Variants in ALK observed in about 807,000 individuals in gnomAD.
ALK encodes ALK tyrosine kinase receptor.
In ALK, 74 loss-of-function variants were observed where a neutral mutation model predicts 163.1. That is an observed-to-expected ratio of 0.45 (90% CI 0.38 to 0.55). The LOEUF (loss-of-function observed/expected upper bound fraction) is 0.55, where lower values mean the gene tolerates loss of function less well. Ranked by LOEUF, ALK falls within the 20% of genes least tolerant of loss-of-function variation. The pLI is 0.00. For synonymous variants in ALK, 960 were observed against 843.2 expected, an observed-to-expected ratio of 1.14 and a Z score of -2.40; for missense variants, 2,063 against 2,105.3, an observed-to-expected ratio of 0.98 and a Z score of 0.39.
At chr2:29,318,121 G>T (rs1309740162) in intron 8 of ALK, among the ~76,000 whole-genome samples, 183 bp downstream of exon 8, 1 of 152,198 alleles carries the variant, frequency 6.6e-6, no homozygotes, top group Non-Finnish European at 1.5e-5. Context: ...ATGATTCTCT[G>T]TAGATAGGGC....
rs201768549 is a variant in ALK, at chr2:29,193,901, C to T, written c.4186G>A (p.Ala1396Thr). ...CTQDPDVINT[A>T]LPIEYGPLVE... ...AGTGGACCATATTCTATCGGCAAAGCGGTGTTGATTACATCCGGGTCCTGC... is the reference window on the plus strand; with the variant it reads ...AGTGGACCATATTCTATCGGCAAAGTGGTGTTGATTACATCCGGGTCCTGC... The change falls in exon 29 of 29, where the codon GCT becomes ACT. Residue 1396 changes from alanine (A) to threonine (T), a missense_variant. By Grantham distance (58) the Ala-to-Thr change is moderately conservative. Transcript: ENST00000389048. 83 of 1,614,128 alleles carry T rather than the reference C, an allele frequency of 5.1e-5. No individual in the cohort carries two copies. The African/African-American group carries it at 9.7e-4, about 19-fold the overall frequency.
At chr2:29,485,136 C>A (rs1218410843) in intron 4 of ALK, among the ~76,000 whole-genome samples, 1 of 152,156 alleles carries the variant, frequency 6.6e-6, no homozygotes, top group African/African-American at 2.4e-5. Flanking sequence ...CCATCTCTTC[C>A]AATCTCCTCT....
chr2:29,208,237 A>G (rs1017240682), intron 25 of ALK, among the ~76,000 whole-genome samples: 2 of 151,968 alleles, frequency 1.3e-5, no homozygotes, highest in African/African-American at 4.8e-5. Flanking sequence ...ACAGAAGGGC[A>G]CTGATGGAGC....
At chr2:29,404,042 G>T (rs182215246) in intron 4 of ALK, among the ~76,000 whole-genome samples, 65 of 151,994 alleles carry the variant, frequency 4.3e-4, no homozygotes, top group African/African-American at 1.5e-3. Context: ...GTTAGCTCAC[G>T]CCTGTAATCC....
intron 3 of ALK, among the ~76,000 whole-genome samples, chr2:29,693,329 G>A (rs1678456024): frequency 6.6e-6 from 1 of 151,392 alleles, no homozygotes. Context: ...AGAATCTCAG[G>A]TTATAGGATC....
At chr2:29,620,173 G>A (rs968729750) in intron 3 of ALK, among the ~76,000 whole-genome samples, 15 of 152,160 alleles carry the variant, frequency 9.9e-5, no homozygotes, top group Non-Finnish European at 2.1e-4. Flanking sequence ...TCACTGGGTG[G>A]GCTTAAACAA....
At chr2:29,814,015 G>A (rs543597464) in intron 1 of ALK, among the ~76,000 whole-genome samples, 91 of 152,318 alleles carry the variant, frequency 6.0e-4, no homozygotes, top group Non-Finnish European at 1.2e-3. Flanking sequence ...TCTGGGGCCT[G>A]ATTTCTCCCA....
intron 5 of ALK, among the ~76,000 whole-genome samples, chr2:29,378,646 T>C (rs574982545): frequency 6.6e-6 from 1 of 152,182 alleles, no homozygotes; most frequent in Non-Finnish European, 1.5e-5. Flanking sequence ...AAGAGCTAGA[T>C]GAGGGTTTGC....
chr2:29,332,384 C>T (rs369840492), intron 5 of ALK, among the ~76,000 whole-genome samples: 6 of 148,936 alleles, frequency 4.0e-5, no homozygotes, highest in Non-Finnish European at 4.4e-5. Context: ...TTCATCCACA[C>T]CTTATGTCCC....
intron 3 of ALK, among the ~76,000 whole-genome samples, chr2:29,693,677 C>G (rs1678469016): frequency 6.6e-6 from 1 of 152,162 alleles, no homozygotes; most frequent in Admixed American, 6.5e-5. Context: ...TACCCAAGAC[C>G]TGACCTGTTA....
rs2148170858 is a variant in ALK, at chr2:29,223,409, A to G, written c.3292T>C (p.Phe1098Leu). 6.2e-7 allele frequency: 1 copy of G among 1,614,148 alleles called. No homozygotes were observed. Among genetic ancestry groups the G allele is most frequent in the South Asian group, 1.1e-5 (1 of 91,078 alleles). Residue 1098 changes from phenylalanine to leucine, a missense_variant, in exon 20 of 29, where the codon TTT becomes CTT. Around this residue, in one of 5 missense-constraint regions of ALK, gnomAD observed 575 missense variants for 626.6 expected, o/e 0.92. Transcript: ENST00000389048. ...IMTDYNPNYC[F>L]AGKTSSISDL... ...CTGATGGAGGAGGTCTTGCCAGCAA[A>G]GCAGTAGTTGGGGTTGTAGTCGGTC...
intron 3 of ALK, among the ~76,000 whole-genome samples, chr2:29,662,364 C>A (rs968693725): frequency 3.3e-5 from 5 of 152,150 alleles, no homozygotes; most frequent in African/African-American, 1.2e-4. Context: ...CCCAGGTGCT[C>A]ATGGCCACCT....
chr2:29,546,268 A>G (rs1481014003), intron 3 of ALK, among the ~76,000 whole-genome samples: 1 of 152,234 alleles, frequency 6.6e-6, no homozygotes, highest in Non-Finnish European at 1.5e-5. Flanking sequence ...GGGCAGAGCC[A>G]ATAATCTCTA....
chr2:29,635,688 C>T (rs1573516314), intron 3 of ALK, among the ~76,000 whole-genome samples: 2 of 149,570 alleles, frequency 1.3e-5, no homozygotes, highest in African/African-American at 2.5e-5. Flanking sequence ...CTGCAACCTC[C>T]GCCTCCCAGG....
intron 3 of ALK, among the ~76,000 whole-genome samples, chr2:29,670,988 T>G (rs1403390502): frequency 6.6e-6 from 1 of 152,100 alleles, no homozygotes; most frequent in Non-Finnish European, 1.5e-5. Flanking sequence ...ATGGCCACTT[T>G]GTTAGGGTCA....
intron 5 of ALK, among the ~76,000 whole-genome samples, chr2:29,330,616 G>A (rs981640517): frequency 3.9e-5 from 6 of 152,288 alleles, no homozygotes; most frequent in Non-Finnish European, 5.9e-5. Context: ...CCTGGGGCCC[G>A]TGAAAATGTT....
chr2:29,634,788 T>C (rs2148239944), intron 3 of ALK, among the ~76,000 whole-genome samples: 1 of 152,118 alleles, frequency 6.6e-6, no homozygotes, highest in Admixed American at 6.5e-5. Context: ...CAAAAATACA[T>C]AAATAACAAA....
chr2:29,453,923 T>C (rs1670885174), intron 4 of ALK, among the ~76,000 whole-genome samples: 1 of 152,160 alleles, frequency 6.6e-6, no homozygotes, highest in Admixed American at 6.5e-5. Flanking sequence ...TTCTAGATGT[T>C]TGATTGAGTT....
At chr2:29,732,942 C>T (rs1679786492) in intron 1 of ALK, among the ~76,000 whole-genome samples, 1 of 151,660 alleles carries the variant, frequency 6.6e-6, no homozygotes, top group Non-Finnish European at 1.5e-5. Context: ...TAAGGGAGAC[C>T]CCAAAGATAA....
Sources: gnomAD v4.1 joint callset for allele counts (sites outside exome capture counted in the v4.1 genomes callset) on GRCh38, gnomAD v4.1.1 for gene constraint, gnomAD v4.1.1 regional missense constraint, MANE v1.5 for transcripts, NCBI Gene and HGNC (gene_info 2026-07-23, HGNC 2026-07-21) for gene names.